The following CDC14B variants were observed in gnomAD, a reference collection of about 807,000 sequenced individuals.
CDC14B encodes dual specificity protein phosphatase CDC14B.
A neutral mutation model predicts 64.2 loss-of-function variants in CDC14B; 22 were observed. The ratio of observed to expected loss-of-function variants is 0.34; its 90% confidence interval spans 0.24 to 0.49. CDC14B has a LOEUF of 0.49. Among genes scored for constraint, CDC14B ranks in the 20% least tolerant of loss-of-function variants. The pLI is 0.99. For synonymous variants in CDC14B, 191 were observed against 215.8 expected, an observed-to-expected ratio of 0.89 and a Z score of 1.01; for missense variants, 498 against 629.9, an observed-to-expected ratio of 0.79 and a Z score of 2.24.
chr9:96,514,253 T>A (rs1267727041), intron 12 of CDC14B: 3 of 206,858 alleles, frequency 1.5e-5, no homozygotes, highest in African/African-American at 7.1e-5. Context: ...TGCCTAAGCA[T>A]TATTTGCAAC....
In CDC14B at chr9:96,564,821, C is replaced by T; in HGVS notation, c.283G>A (p.Ala95Thr). 1.2e-6 allele frequency: 2 copies of T among 1,603,616 alleles called. No homozygotes were observed. Among genetic ancestry groups the T allele is most frequent in the South Asian group, 1.1e-5 (1 of 89,368 alleles). Residue 95 changes from alanine (A) to threonine (T), a missense_variant, in exon 3 of 14, where the codon GCA (alanine) becomes ACA (threonine). Coordinates refer to ENST00000375241, the MANE Select transcript of CDC14B (RefSeq NM_033331.4). Reference protein sequence around the residue: ...FYADFGPLNLAMVYRYCCKIN... With the variant: ...FYADFGPLNLTMVYRYCCKIN... ...TTGCAACAATATCTGTAAACCATTG[C>T]CAGATTGAGTGGTCCAAAATCTGCG... is the stretch of plus-strand genomic sequence containing the variant.
chr9:96,600,011 T>C (rs1588057222), intron 1 of CDC14B, among the ~76,000 whole-genome samples: 1 of 152,300 alleles, frequency 6.6e-6, no homozygotes, highest in East Asian at 1.9e-4. Flanking sequence ...ATTACAGGCA[T>C]GAGCCACCAT....
downstream of CDC14B, among the ~76,000 whole-genome samples, chr9:96,495,391 GC>G (rs71499002): frequency 6.5e-4 from 91 of 140,188 alleles, 2 homozygotes; most frequent in South Asian, 7.6e-3. Flanking sequence ...CATGTGTGCT[GC>G]CCCCCCCCGC....
intron 12 of CDC14B, among the ~76,000 whole-genome samples, chr9:96,520,503 GC>G (rs892438244): frequency 3.3e-5 from 5 of 152,076 alleles, no homozygotes; most frequent in African/African-American, 9.7e-5. Context: ...GCACAGCCAC[GC>G]CCAGCTAGAT....
At chr9:96,524,370 C>T (rs1233457893) in intron 9 of CDC14B, among the ~76,000 whole-genome samples, 1 of 152,196 alleles carries the variant, frequency 6.6e-6, no homozygotes, top group Non-Finnish European at 1.5e-5. Flanking sequence ...TCAGTAAGTG[C>T]AGTGTCTTCT....
At position 96,509,653 on chromosome 9, in the gene CDC14B, G is replaced by T; in HGVS notation, c.1460+20C>A. On this transcript the variant is annotated intron_variant, in intron 13 of 13. Coordinates refer to ENST00000375241, the MANE Select transcript of CDC14B (RefSeq NM_033331.4). ...AACAAACGCTTGCAACTTTTCAGAA[G>T]AGTAGGATTCTTTTCTCACCTTTTA... 1 of 1,422,762 alleles carries T rather than the reference G, an allele frequency of 7.0e-7. No homozygotes were observed. The highest frequency in any genetic ancestry group is 9.9e-7 in the Non-Finnish European group (1 of 1,006,106). The allele number at this position is 1,422,762 out of a possible 1,614,324, so 88.1% of individuals were successfully genotyped here.
intron 1 of CDC14B, among the ~76,000 whole-genome samples, chr9:96,573,636 T>C (rs1165877025): frequency 6.6e-6 from 1 of 152,146 alleles, no homozygotes; most frequent in Non-Finnish European, 1.5e-5. Context: ...GTAAATTACA[T>C]GCTAATAAAG....
chr9:96,596,219 G>A (rs893019099), intron 1 of CDC14B, among the ~76,000 whole-genome samples: 5 of 151,892 alleles, frequency 3.3e-5, no homozygotes, highest in African/African-American at 7.2e-5. Context: ...AAAATTAGCC[G>A]GGCATGGTGG....
At chr9:96,526,241 AC>A (rs773275039) in intron 9 of CDC14B, among the ~76,000 whole-genome samples, 8 of 152,032 alleles carry the variant, frequency 5.3e-5, no homozygotes, top group Non-Finnish European at 1.2e-4. Flanking sequence ...GGTGGCAGGC[AC>A]CTGTAGTCCC....
At chr9:96,611,799 T>G (rs1173224810) in intron 1 of CDC14B, among the ~76,000 whole-genome samples, 1 of 152,208 alleles carries the variant, frequency 6.6e-6, no homozygotes, top group Non-Finnish European at 1.5e-5. Context: ...TTTCAAATCT[T>G]TTGGATAATC....
intron 1 of CDC14B, among the ~76,000 whole-genome samples, chr9:96,594,548 C>A (rs183127325): frequency 1.1e-3 from 174 of 151,994 alleles, no homozygotes; most frequent in African/African-American, 3.9e-3. Flanking sequence ...AAAATCCCCT[C>A]TTTACTGAAA....
intron 12 of CDC14B, among the ~76,000 whole-genome samples, chr9:96,520,650 A>G (rs1422935028): frequency 6.6e-6 from 1 of 152,232 alleles, no homozygotes; most frequent in East Asian, 1.9e-4. Flanking sequence ...GCAACAAAAT[A>G]TTAAAACATA....
chr9:96,499,820 AG>A (rs1289585184), downstream of CDC14B, among the ~76,000 whole-genome samples: 1 of 152,216 alleles, frequency 6.6e-6, no homozygotes, highest in East Asian at 1.9e-4. Context: ...AGGGGAAGAG[AG>A]GCACCAGGGC....
Position 96,527,316 on chromosome 9 carries a change from G to A in CDC14B, c.947-3591C>T, listed in dbSNP as rs565040106. 2.1e-4 allele frequency among the ~76,000 whole-genome samples: 32 copies of A among 152,156 alleles called. No individual in the cohort carries two copies. In the South Asian group the frequency reaches 6.0e-3, roughly 29 times the overall value. On this transcript the variant is annotated intron_variant, in intron 9 of 13. Transcript: ENST00000375241. ...GGGGAGGCTGAGGCAGGAGAATGGCGTGAACCTGGGAGGCAGAGGTTGCAG... is the reference window on the plus strand; with the variant it reads ...GGGGAGGCTGAGGCAGGAGAATGGCATGAACCTGGGAGGCAGAGGTTGCAG...
chr9:96,605,873 TG>T lies in CDC14B; in HGVS notation c.160+13345del, dbSNP rs1050978797. 6.6e-4 allele frequency among the ~76,000 whole-genome samples: 100 copies of T among 151,282 alleles called. 2 individuals carry two copies. The highest frequency in any genetic ancestry group is 2.3e-3 in the African/African-American group (95 of 41,144). On this transcript the variant is annotated intron_variant, in intron 1 of 13. Coordinates refer to ENST00000375241, the MANE Select transcript of CDC14B (RefSeq NM_033331.4). ...CGAAATTTTGCCTCAAAAAAAAAAT[TG>T]TTTTTTTCAAAGACAAATAGTTACA...
At chr9:96,590,020 C>A (rs867582777) in intron 1 of CDC14B, among the ~76,000 whole-genome samples, 2 of 152,122 alleles carry the variant, frequency 1.3e-5, no homozygotes, top group South Asian at 4.2e-4. Flanking sequence ...AAATTACCAT[C>A]TTAGCCATTT....
intron 7 of CDC14B, chr9:96,538,692 C>T (rs1050550383): frequency 1.1e-5 from 2 of 183,994 alleles, no homozygotes; most frequent in Admixed American, 1.2e-4. Flanking sequence ...CACTGCACTT[C>T]AGCCTAGGTA....
At chr9:96,506,026 A>T (rs1274906292) in intron 13 of CDC14B, among the ~76,000 whole-genome samples, 1 of 152,216 alleles carries the variant, frequency 6.6e-6, no homozygotes, top group Non-Finnish European at 1.5e-5. Flanking sequence ...GCACCAATTA[A>T]GCGCAAAGCG....
At chr9:96,602,736 A>G (rs564892193) in intron 1 of CDC14B, among the ~76,000 whole-genome samples, 1 of 152,278 alleles carries the variant, frequency 6.6e-6, no homozygotes, top group South Asian at 2.1e-4. Flanking sequence ...GACACAGCCA[A>G]ACTATATCAC....
Sources: gnomAD v4.1 joint callset for allele counts (sites outside exome capture counted in the v4.1 genomes callset) on GRCh38, gnomAD v4.1.1 for gene constraint, MANE v1.5 for transcripts, NCBI Gene and HGNC (gene_info 2026-07-23, HGNC 2026-07-21) for gene names.